MAML3: variants seen among roughly 807,000 people sequenced by gnomAD.
The protein encoded by MAML3 is mastermind-like protein 3.
MAML3 carries 27 observed loss-of-function variants against 101.9 expected under a neutral mutation model. The observed-to-expected ratio is 0.27, with a 90% CI of 0.20 to 0.37. The LOEUF (loss-of-function observed/expected upper bound fraction) is 0.37, where lower values mean the gene tolerates loss of function less well. MAML3 is among the 10% of genes least tolerant of loss of function. The pLI is 1.00. For synonymous variants in MAML3, 501 were observed against 555.9 expected, an observed-to-expected ratio of 0.90 and a Z score of 1.39; for missense variants, 1,316 against 1,444.9, an observed-to-expected ratio of 0.91 and a Z score of 1.45.
chr4:139,880,278 T>G (rs1056668854), intron 2 of MAML3, among the ~76,000 whole-genome samples: 1 of 151,282 alleles, frequency 6.6e-6, no homozygotes, highest in Non-Finnish European at 1.5e-5. Flanking sequence ...CTCATATTTC[T>G]AAAACTCTGA....
chr4:140,057,165 A>G (rs1475385531), intron 1 of MAML3, among the ~76,000 whole-genome samples: 2 of 152,210 alleles, frequency 1.3e-5, no homozygotes, highest in Non-Finnish European at 2.9e-5. Context: ...AGTCCCAGCT[A>G]TTTGGGCGGT....
intron 1 of MAML3, among the ~76,000 whole-genome samples, chr4:140,036,932 C>A (rs1157730101): frequency 6.6e-6 from 1 of 152,142 alleles, no homozygotes; most frequent in Non-Finnish European, 1.5e-5. Context: ...GGTCAGTGCT[C>A]TGTGCTCTTC....
chr4:139,846,337 GTATTT>G (rs955701230), intron 2 of MAML3, among the ~76,000 whole-genome samples: 5 of 151,986 alleles, frequency 3.3e-5, no homozygotes, highest in Non-Finnish European at 5.9e-5. Flanking sequence ...ATTTAAAGAT[GTATTT>G]TATTTTATTT....
In MAML3 at chr4:139,730,295, A is replaced by G. The variant is rs1728647224; in HGVS notation, c.2331+121T>C. 5.9e-6 allele frequency: 5 copies of G among 852,328 alleles called. No individual in the cohort carries two copies. The South Asian group carries it at 6.5e-5, about 11-fold the overall frequency. 52.8% of individuals were successfully genotyped at this position (852,328 alleles called of 1,614,324 possible). On this transcript the variant is annotated intron_variant, in intron 3 of 4. Transcript: ENST00000509479. The stretch of plus-strand genomic sequence containing the variant: ...TTCAGGTTCTCTTGTGATCCTGGGA[A>G]ATGCTAGACCGTGAGCATCTTGATG...
chr4:139,956,838 G>A (rs1733925300), intron 1 of MAML3, among the ~76,000 whole-genome samples: 1 of 152,180 alleles, frequency 6.6e-6, no homozygotes, highest in African/African-American at 2.4e-5. Flanking sequence ...CTGACAAAAG[G>A]TCGAGACACT....
rs548453572 is a variant in MAML3 at position 139,770,598 on chromosome 4, C to T, written c.2080-39931G>A. 6.7e-4 allele frequency among the ~76,000 whole-genome samples: 102 copies of T among 152,234 alleles called. 1 individual carries two copies. Among genetic ancestry groups the T allele is most frequent in the African/African-American group, 2.2e-3 (92 of 41,532 alleles). On this transcript the variant is annotated intron_variant, in intron 2 of 4. Transcript: ENST00000509479. ...GATGTCAGAGGGCGAGGCAGGCGCT[C>T]AGTTGGAAAGTTGCTCTTTGTTCCT...
chr4:139,827,543 A>C (rs6843144), intron 2 of MAML3, among the ~76,000 whole-genome samples: 14,202 of 152,194 alleles, frequency 0.093, 1,140 homozygotes, highest in African/African-American at 0.22. Context: ...GGGGGGAAAA[A>C]ACAGAAAATA....
chr4:139,805,104 T>C (rs1206607525), intron 2 of MAML3, among the ~76,000 whole-genome samples: 1 of 152,130 alleles, frequency 6.6e-6, no homozygotes, highest in Non-Finnish European at 1.5e-5. Flanking sequence ...GCTTGATTTG[T>C]AACCGGGAGG....
intron 1 of MAML3, among the ~76,000 whole-genome samples, chr4:139,922,189 C>T (rs377003567): frequency 1.3e-5 from 2 of 152,022 alleles, no homozygotes; most frequent in Middle Eastern, 3.2e-3. Flanking sequence ...CTGTCCTCCC[C>T]CTTCTGCTCC....
In MAML3 at chr4:139,790,507, C is replaced by T. The variant is rs541319311; in HGVS notation, c.2080-59840G>A. On this transcript the variant is annotated intron_variant, in intron 2 of 4. Coordinates refer to ENST00000509479, the MANE Select transcript of MAML3 (RefSeq NM_018717.5). The stretch of plus-strand genomic sequence containing the variant: ...CTATCCATTTCAGGGAATTTTTCAT[C>T]ACTCCAAATAGAAACTGTATCCATT... Among the ~76,000 whole-genome samples, 6 of 151,854 alleles carry T rather than the reference C, an allele frequency of 4.0e-5. No homozygotes were observed. The East Asian group carries it at 1.2e-3, about 29-fold the overall frequency.
chr4:139,780,927 C>A (rs1730192659), intron 2 of MAML3, among the ~76,000 whole-genome samples: 1 of 152,144 alleles, frequency 6.6e-6, no homozygotes, highest in Non-Finnish European at 1.5e-5. Flanking sequence ...CTGCACCTGA[C>A]AAGTGTTGCA....
intron 1 of MAML3, among the ~76,000 whole-genome samples, chr4:140,152,341 C>T (rs558942704): frequency 6.6e-6 from 1 of 152,218 alleles, no homozygotes; most frequent in Non-Finnish European, 1.5e-5. Context: ...CCGCTTCCCC[C>T]CTAGGGGTTG....
intron 2 of MAML3, among the ~76,000 whole-genome samples, chr4:139,829,230 G>T (rs1731120004): frequency 6.6e-6 from 1 of 151,124 alleles, no homozygotes; most frequent in African/African-American, 2.4e-5. Context: ...AAGGAGAAAG[G>T]AAGGAAAGAA....
At chr4:139,961,841 C>T (rs776036833) in intron 1 of MAML3, among the ~76,000 whole-genome samples, 13 of 152,082 alleles carry the variant, frequency 8.5e-5, no homozygotes, top group South Asian at 2.1e-4. Context: ...AAGCCGGGCA[C>T]GGTGGCTCAC....
At chr4:140,119,072 T>C (rs1362636288) in intron 1 of MAML3, among the ~76,000 whole-genome samples, 1 of 152,188 alleles carries the variant, frequency 6.6e-6, no homozygotes, top group Non-Finnish European at 1.5e-5. Flanking sequence ...GCAAGGGGTA[T>C]GGTGGCATTC....
chr4:140,035,076 T>A (rs904467482), intron 1 of MAML3, among the ~76,000 whole-genome samples: 1 of 152,216 alleles, frequency 6.6e-6, no homozygotes, highest in South Asian at 2.1e-4. Flanking sequence ...TACAAGCAAT[T>A]CTCCTGTCTC....
chr4:139,741,885 T>A (rs4622949), intron 2 of MAML3, among the ~76,000 whole-genome samples: 127,704 of 151,846 alleles, frequency 0.84, 54,359 homozygotes, highest in Non-Finnish European at 0.92. Flanking sequence ...CATTGCATTT[T>A]TAAAACGCCC....
At chr4:139,888,743 C>T (rs758314227) in intron 2 of MAML3, 26 of 485,722 alleles carry the variant, frequency 5.4e-5, no homozygotes, top group Non-Finnish European at 9.5e-5. Flanking sequence ...GGTTTCATTG[C>T]ACTCCCAAGT....
chr4:139,990,795 G>T (rs1192439784), intron 1 of MAML3, among the ~76,000 whole-genome samples: 3 of 152,198 alleles, frequency 2.0e-5, no homozygotes, highest in Non-Finnish European at 4.4e-5. Context: ...TGAACTCCCA[G>T]TCACAATTGC....
Sources: gnomAD v4.1 joint callset for allele counts (sites outside exome capture counted in the v4.1 genomes callset) on GRCh38, gnomAD v4.1.1 for gene constraint, MANE v1.5 for transcripts, NCBI Gene and HGNC (gene_info 2026-07-23, HGNC 2026-07-21) for gene names.